The following BANK1 variants were observed in gnomAD, a reference collection of about 807,000 sequenced individuals.
The protein encoded by BANK1 is B cell scaffold protein with ankyrin repeats 1.
Under a neutral mutation model 94.5 loss-of-function variants are expected in BANK1, and 95 were observed. That is an observed-to-expected ratio of 1.00 (90% CI 0.85 to 1.19). The LOEUF is 1.19. Among genes scored for constraint, BANK1 ranks in the 50% most tolerant of loss-of-function variants. The pLI is 0.00. For missense variants in BANK1, 987 were observed against 932.2 expected (o/e 1.06, Z -0.77); for synonymous variants, 334 against 308.4 (o/e 1.08, Z -0.87).
At chr4:101,968,296 G>A (rs1724830802) in intron 7 of BANK1, among the ~76,000 whole-genome samples, 1 of 152,070 alleles carries the variant, frequency 6.6e-6, no homozygotes, top group Non-Finnish European at 1.5e-5. Flanking sequence ...CCACAAAATT[G>A]CTGGGAGGCA....
intron 7 of BANK1, among the ~76,000 whole-genome samples, chr4:101,991,152 A>G (rs561185745): frequency 6.6e-6 from 1 of 152,326 alleles, no homozygotes; most frequent in East Asian, 1.9e-4. Flanking sequence ...ACAGCTGGTG[A>G]AGGACTGAGT....
chr4:101,840,727 G>A (rs1260976662), intron 2 of BANK1, among the ~76,000 whole-genome samples: 2 of 152,134 alleles, frequency 1.3e-5, no homozygotes, highest in Non-Finnish European at 2.9e-5. Context: ...CTCTGTTCGA[G>A]GCTCTCAGCT....
chr4:102,036,854 G>A (rs563676185), intron 10 of BANK1: 15 of 152,274 alleles, frequency 9.9e-5, no homozygotes, highest in African/African-American at 2.9e-4. Flanking sequence ...GCATGTTGAC[G>A]TAATGACGAT....
chr4:102,036,055 A>G (rs753960287), intron 10 of BANK1, among the ~76,000 whole-genome samples: 57 of 152,332 alleles, frequency 3.7e-4, no homozygotes, highest in Middle Eastern at 3.4e-3. Flanking sequence ...TTCAGCATCA[A>G]TGGGCAATTT....
intron 7 of BANK1, among the ~76,000 whole-genome samples, chr4:101,982,138 A>G (rs1466634665): frequency 6.6e-6 from 1 of 151,848 alleles, no homozygotes; most frequent in Non-Finnish European, 1.5e-5. Context: ...AGCTTCCCTC[A>G]TTTTCCTTCT....
intron 3 of BANK1, among the ~76,000 whole-genome samples, chr4:101,855,405 G>A (rs559099590): frequency 6.6e-6 from 1 of 152,226 alleles, no homozygotes; most frequent in Non-Finnish European, 1.5e-5. Flanking sequence ...AATAGATATT[G>A]TATTTCACAA....
chr4:102,055,091 A>G (rs1169651596), intron 11 of BANK1, among the ~76,000 whole-genome samples: 3 of 152,102 alleles, frequency 2.0e-5, no homozygotes, highest in Non-Finnish European at 4.4e-5. Context: ...GTCAAGTGAT[A>G]AATAAAAAGT....
chr4:101,817,106 G>A (rs1039064514), intron 1 of BANK1, among the ~76,000 whole-genome samples: 2 of 152,096 alleles, frequency 1.3e-5, no homozygotes, highest in African/African-American at 2.4e-5. Context: ...TGGCTACCCG[G>A]TAAATGGGCC....
chr4:101,952,408 A>G (rs991346177), intron 7 of BANK1, among the ~76,000 whole-genome samples: 18 of 152,176 alleles, frequency 1.2e-4, no homozygotes, highest in Admixed American at 7.2e-4. Context: ...TTAAGAGTGA[A>G]GTTTTCTAAA....
At chr4:102,062,388 G>A (rs1728447631) in intron 12 of BANK1, 1 of 152,188 alleles carries the variant, frequency 6.6e-6, no homozygotes, top group Non-Finnish European at 1.5e-5. Context: ...GATCTGTAAG[G>A]CAATGGAAAC....
chr4:101,908,807 T>C (rs567174652), intron 6 of BANK1, among the ~76,000 whole-genome samples: 1 of 152,196 alleles, frequency 6.6e-6, no homozygotes, highest in East Asian at 1.9e-4. Context: ...CATGAGAAAA[T>C]GCTCATCATC....
chr4:102,019,655 A>G (rs932737835), intron 7 of BANK1, among the ~76,000 whole-genome samples: 13 of 152,224 alleles, frequency 8.5e-5, no homozygotes, highest in Non-Finnish European at 1.5e-5. Flanking sequence ...GAATGTCTTC[A>G]GACTCATCTT....
At chr4:101,951,606 C>G (rs907819403) in intron 7 of BANK1, among the ~76,000 whole-genome samples, 2 of 151,866 alleles carry the variant, frequency 1.3e-5, no homozygotes, top group African/African-American at 4.8e-5. Flanking sequence ...AAAACAAATC[C>G]TTAGATTTAC....
intron 7 of BANK1, among the ~76,000 whole-genome samples, chr4:101,940,579 GAC>G (rs754106619): frequency 6.6e-6 from 1 of 151,660 alleles, no homozygotes; most frequent in Non-Finnish European, 1.5e-5. Context: ...TTTTGTCTGT[GAC>G]AGTTTCTCAG....
At chr4:101,883,660 G>A (rs1728754137) in intron 5 of BANK1, among the ~76,000 whole-genome samples, 1 of 152,138 alleles carries the variant, frequency 6.6e-6, no homozygotes, top group African/African-American at 2.4e-5. Context: ...TGTGAGTGCT[G>A]CCTGTAACCA....
intron 7 of BANK1, among the ~76,000 whole-genome samples, chr4:101,991,824 T>C (rs1725719828): frequency 6.6e-6 from 1 of 152,228 alleles, no homozygotes; most frequent in South Asian, 2.1e-4. Flanking sequence ...CATACGTGTG[T>C]ATTTGCACAT....
rs566481055 is a variant in BANK1, at chr4:101,841,179, A to T, written c.469+10973A>T. ...GCTTTTTATTTTTCTAATTATAAAA[A>T]TAATACTCATTGTAAAAAAAAATCT... On this transcript the variant is annotated intron_variant, in intron 2 of 16. Coordinates refer to ENST00000322953, the MANE Select transcript of BANK1 (RefSeq NM_017935.5). Among the ~76,000 whole-genome samples the T allele has an allele frequency of 6.6e-5, 10 of 152,268 alleles. No individual in the cohort carries two copies. The South Asian group carries it at 1.2e-3, about 19-fold the overall frequency.
At chr4:101,841,731 C>T (rs554795253) in intron 2 of BANK1, among the ~76,000 whole-genome samples, 17 of 150,582 alleles carry the variant, frequency 1.1e-4, no homozygotes, top group African/African-American at 3.2e-4. Context: ...CCCACTAACT[C>T]GTCATCTAGC....
At chr4:101,897,205 G>GA (rs778615900) in intron 6 of BANK1, among the ~76,000 whole-genome samples, 5 of 151,872 alleles carry the variant, frequency 3.3e-5, no homozygotes, top group African/African-American at 4.8e-5. Flanking sequence ...ACAGAGAAAG[G>GA]AAAAAGGAAT....
Sources: gnomAD v4.1 joint callset for allele counts (sites outside exome capture counted in the v4.1 genomes callset) on GRCh38, gnomAD v4.1.1 for gene constraint, MANE v1.5 for transcripts, NCBI Gene and HGNC (gene_info 2026-07-23, HGNC 2026-07-21) for gene names.